APBB2: variants seen among roughly 807,000 people sequenced by gnomAD.
APBB2 encodes the protein Fe65-like 1.
In APBB2, 38 loss-of-function variants were observed where a neutral mutation model predicts 82.5. That is an observed-to-expected ratio of 0.46 (90% confidence interval 0.36 to 0.60). The LOEUF is 0.60. Ranked by LOEUF, APBB2 falls within the 20% of genes least tolerant of loss-of-function variation. APBB2 has a pLI of 0.00. For synonymous variants in APBB2, 341 were observed against 368.2 expected, an observed-to-expected ratio of 0.93 and a Z score of 0.85; for missense variants, 772 against 972.3, an observed-to-expected ratio of 0.79 and a Z score of 2.74.
chr4:41,077,847 GC>G (rs1736177002), intron 3 of APBB2, among the ~76,000 whole-genome samples: 1 of 152,166 alleles, frequency 6.6e-6, no homozygotes, highest in Admixed American at 6.5e-5. Context: ...CTGTGCATAG[GC>G]CTCAAGAGTA....
intron 4 of APBB2, among the ~76,000 whole-genome samples, chr4:41,061,329 G>A (rs1281956990): frequency 6.6e-6 from 1 of 152,212 alleles, no homozygotes; most frequent in Non-Finnish European, 1.5e-5. Flanking sequence ...TTTCATTGCT[G>A]TGCAAACATC....
chr4:41,209,251 G>C (rs1778728460), intron 1 of APBB2, among the ~76,000 whole-genome samples: 1 of 152,208 alleles, frequency 6.6e-6, no homozygotes, highest in Non-Finnish European at 1.5e-5. Flanking sequence ...ATGAGGCTGA[G>C]TTTTGTGAGC....
intron 2 of APBB2, among the ~76,000 whole-genome samples, chr4:41,128,231 C>A (rs1252788695): frequency 6.6e-6 from 1 of 152,122 alleles, no homozygotes; most frequent in African/African-American, 2.4e-5. Context: ...TGTCTTATAC[C>A]AGCCAGAATG....
At chr4:40,856,988 C>T (rs1578008891) in intron 12 of APBB2, 1 of 985,584 alleles carries the variant, frequency 1.0e-6, no homozygotes, top group East Asian at 1.1e-4. Context: ...AACGCACCTG[C>T]AAACAAAGGA....
At chr4:41,146,563 A>G (rs1469593532) in intron 1 of APBB2, among the ~76,000 whole-genome samples, 1 of 152,180 alleles carries the variant, frequency 6.6e-6, no homozygotes, top group Non-Finnish European at 1.5e-5. Flanking sequence ...TTCATCGCTT[A>G]TGTCCACACA....
At chr4:41,185,013 T>C (rs1357356566) in intron 1 of APBB2, among the ~76,000 whole-genome samples, 1 of 152,236 alleles carries the variant, frequency 6.6e-6, no homozygotes, top group African/African-American at 2.4e-5. Flanking sequence ...GAGACACTTA[T>C]CTATCTCCCT....
chr4:40,999,622 CAAATTTCTACAACTGA>C (rs1486247391), intron 6 of APBB2, among the ~76,000 whole-genome samples: 2 of 152,106 alleles, frequency 1.3e-5, no homozygotes, highest in Non-Finnish European at 2.9e-5. Context: ...ATTTAAAATG[CAAATTTCTACAACTGA>C]AAATTAGAAT....
At chr4:40,938,448 TGA>T (rs1042273951) in intron 7 of APBB2, among the ~76,000 whole-genome samples, 45 of 152,232 alleles carry the variant, frequency 3.0e-4, no homozygotes, top group Non-Finnish European at 1.2e-4. Context: ...CCTTGACTAC[TGA>T]GAGTTTTCTT....
At chr4:41,117,902 T>G (rs1486772508) in intron 2 of APBB2, among the ~76,000 whole-genome samples, 1 of 152,154 alleles carries the variant, frequency 6.6e-6, no homozygotes, top group Non-Finnish European at 1.5e-5. Flanking sequence ...AGTATTTGAC[T>G]CAGGTCAAAA....
At chr4:40,842,084 A>G (rs528581132) in intron 12 of APBB2, among the ~76,000 whole-genome samples, 2 of 152,354 alleles carry the variant, frequency 1.3e-5, no homozygotes, top group South Asian at 2.1e-4. Context: ...GATTTTTCTC[A>G]GTCGTTAGTG....
chr4:40,930,466 C>CGT (rs1491102015), intron 10 of APBB2, among the ~76,000 whole-genome samples: 1 of 132,626 alleles, frequency 7.5e-6, no homozygotes, highest in African/African-American at 3.5e-5. Flanking sequence ...CGCGCGCGCG[C>CGT]GTGCGCGTGC....
intron 4 of APBB2, among the ~76,000 whole-genome samples, chr4:41,045,653 A>C (rs540778683): frequency 9.2e-5 from 14 of 151,742 alleles, no homozygotes; most frequent in African/African-American, 3.4e-4. Context: ...TAGGGATTTT[A>C]CTCTATTTCT....
At chr4:40,844,129 C>T (rs2154316976) in intron 12 of APBB2, among the ~76,000 whole-genome samples, 1 of 151,542 alleles carries the variant, frequency 6.6e-6, no homozygotes, top group African/African-American at 2.4e-5. Context: ...CTAAGAGGAT[C>T]TTTGGGCTGA....
intron 12 of APBB2, chr4:40,880,064 T>C: frequency 1.0e-6 from 1 of 985,424 alleles, no homozygotes. Context: ...ATGGCACTTA[T>C]GACCCTTGCA....
chr4:41,028,460 A>G (rs1026654794), intron 5 of APBB2, among the ~76,000 whole-genome samples: 3 of 152,224 alleles, frequency 2.0e-5, no homozygotes, highest in Non-Finnish European at 4.4e-5. Flanking sequence ...TTCTTGAACT[A>G]GAAGATATAA....
intron 1 of APBB2, among the ~76,000 whole-genome samples, chr4:41,206,387 C>A (rs577651668): frequency 2.0e-5 from 3 of 152,326 alleles, no homozygotes; most frequent in African/African-American, 4.8e-5. Context: ...TCCTCTCTGT[C>A]CTCCTGAACT....
intron 4 of APBB2, among the ~76,000 whole-genome samples, chr4:41,053,642 T>G (rs1240535958): frequency 6.6e-6 from 1 of 152,156 alleles, no homozygotes; most frequent in East Asian, 1.9e-4. Context: ...TGCTATAGTT[T>G]CCTATAAAGC....
At chr4:41,038,859 C>T (rs894659387) in intron 4 of APBB2, among the ~76,000 whole-genome samples, 4 of 152,208 alleles carry the variant, frequency 2.6e-5, no homozygotes, top group African/African-American at 9.6e-5. Flanking sequence ...TATGACTATT[C>T]CAGCAGTCGT....
chr4:41,188,906 G>A (rs552622155), intron 1 of APBB2, among the ~76,000 whole-genome samples: 14 of 152,026 alleles, frequency 9.2e-5, no homozygotes, highest in East Asian at 3.9e-4. Context: ...GTGAGACCCC[G>A]TCTCAATTCA....
Sources: allele counts gnomAD v4.1 joint callset (sites outside exome capture counted in the v4.1 genomes callset), GRCh38; gene constraint gnomAD v4.1.1; transcripts MANE v1.5; gene names NCBI Gene and HGNC (gene_info 2026-07-23, HGNC 2026-07-21).